NUMB: variants seen among roughly 807,000 people sequenced by gnomAD.
The protein encoded by NUMB is NUMB endocytic adaptor protein.
Under a neutral mutation model 59.7 loss-of-function variants are expected in NUMB, and 29 were observed. That is an observed-to-expected ratio of 0.49 (90% confidence interval 0.36 to 0.66). The LOEUF is 0.66. NUMB is among the 30% of genes least tolerant of loss of function. The pLI is 0.00. For synonymous variants in NUMB, 288 were observed against 288.2 expected (o/e 1.00, Z 0.01); for missense variants, 723 against 822.0 (o/e 0.88, Z 1.47).
intron 6 of NUMB, among the ~76,000 whole-genome samples, chr14:73,309,943 T>C (rs1890682811): frequency 6.6e-6 from 1 of 152,104 alleles, no homozygotes; most frequent in South Asian, 2.1e-4. Context: ...TTTTCAACCA[T>C]GCATTCTCTA....
At chr14:73,306,381 G>C (rs1890428485) in intron 6 of NUMB, among the ~76,000 whole-genome samples, 1 of 152,152 alleles carries the variant, frequency 6.6e-6, no homozygotes, top group Non-Finnish European at 1.5e-5. Context: ...TAGCTGAAAT[G>C]AAAATTCTAG....
At chr14:73,290,747 T>C (rs1280750378) in intron 8 of NUMB, among the ~76,000 whole-genome samples, 1 of 152,230 alleles carries the variant, frequency 6.6e-6, no homozygotes, top group Non-Finnish European at 1.5e-5. Context: ...TAGATTTTTT[T>C]CAGATTTTGG....
At chr14:73,358,922 A>T (rs943185520) in intron 3 of NUMB, among the ~76,000 whole-genome samples, 1 of 152,200 alleles carries the variant, frequency 6.6e-6, no homozygotes, top group African/African-American at 2.4e-5. Context: ...TCGATGCTGG[A>T]AGAGACTGAC....
At chr14:73,370,050 T>C (rs965166579) in intron 2 of NUMB, among the ~76,000 whole-genome samples, 1 of 152,188 alleles carries the variant, frequency 6.6e-6, no homozygotes, top group Non-Finnish European at 1.5e-5. Context: ...CTCTTGTGCT[T>C]GCAGTTTGCT....
intron 4 of NUMB, among the ~76,000 whole-genome samples, chr14:73,332,400 T>A: frequency 6.6e-6 from 1 of 151,956 alleles, no homozygotes; most frequent in East Asian, 1.9e-4. Context: ...ATTACAGGCG[T>A]ACGCCACCAC....
chr14:73,299,414 T>C (rs181188572), intron 6 of NUMB: 1 of 152,190 alleles, frequency 6.6e-6, no homozygotes, highest in African/African-American at 2.4e-5. Context: ...AAAACTGAGG[T>C]TTCCTGGAGA....
intron 4 of NUMB, among the ~76,000 whole-genome samples, chr14:73,331,563 T>A (rs1255305125): frequency 6.6e-6 from 1 of 152,010 alleles, no homozygotes; most frequent in Non-Finnish European, 1.5e-5. Flanking sequence ...AAAAAATTTT[T>A]TTTCTTCTAA....
chr14:73,284,029 G>A (rs376255819), intron 10 of NUMB, 52 bp downstream of exon 10: 279 of 1,514,446 alleles, frequency 1.8e-4, no homozygotes, highest in Non-Finnish European at 2.4e-4. Context: ...GGGAAGTGAT[G>A]AGAATGCTTC....
At chr14:73,447,595 T>C (rs1013240822) in intron 1 of NUMB, among the ~76,000 whole-genome samples, 3 of 150,384 alleles carry the variant, frequency 2.0e-5, no homozygotes, top group Non-Finnish European at 4.4e-5. Flanking sequence ...CCCAGCACTT[T>C]GGGAGACTGA....
intron 6 of NUMB, among the ~76,000 whole-genome samples, chr14:73,305,648 G>A (rs1036557990): frequency 6.6e-6 from 1 of 152,204 alleles, no homozygotes; most frequent in East Asian, 1.9e-4. Context: ...ACATCATTTT[G>A]CATAGCTTTG....
At chr14:73,368,081 A>G (rs1010532929) in intron 2 of NUMB, among the ~76,000 whole-genome samples, 14 of 152,024 alleles carry the variant, frequency 9.2e-5, no homozygotes, top group African/African-American at 3.4e-4. Context: ...TTTGTTTTGC[A>G]TATTTATTTC....
At chr14:73,311,354 A>C (rs964402579) in intron 6 of NUMB, among the ~76,000 whole-genome samples, 7 of 152,082 alleles carry the variant, frequency 4.6e-5, no homozygotes, top group African/African-American at 1.7e-4. Context: ...GTGCCCGGCC[A>C]CGGCAATGAG....
At chr14:73,316,617 CTG>C (rs1891098647) in intron 5 of NUMB, among the ~76,000 whole-genome samples, 195 bp from the exon 6 acceptor site, 1 of 152,180 alleles carries the variant, frequency 6.6e-6, no homozygotes, top group Non-Finnish European at 1.5e-5. Context: ...GGGAAACACA[CTG>C]TATAGCCTAA....
chr14:73,324,021 G>A (rs964823852), intron 4 of NUMB, among the ~76,000 whole-genome samples: 1 of 152,108 alleles, frequency 6.6e-6, no homozygotes, highest in African/African-American at 2.4e-5. Flanking sequence ...TTTCTCTGAA[G>A]CTCTCTTATC....
At chr14:73,432,192 G>A (rs1287489357) in intron 1 of NUMB, among the ~76,000 whole-genome samples, 1 of 151,954 alleles carries the variant, frequency 6.6e-6, no homozygotes, top group Admixed American at 6.6e-5. Flanking sequence ...AATTTTAAAG[G>A]TTAGGAGAGA....
intron 2 of NUMB, among the ~76,000 whole-genome samples, chr14:73,397,542 T>G (rs1896195530): frequency 1.3e-5 from 2 of 152,160 alleles, no homozygotes; most frequent in African/African-American, 4.8e-5. Context: ...TGCTAGCTGG[T>G]CCAAGCACAC....
chr14:73,453,854 G>C (rs1016954685), intron 1 of NUMB, among the ~76,000 whole-genome samples: 1 of 151,992 alleles, frequency 6.6e-6, no homozygotes, highest in Non-Finnish European at 1.5e-5. Flanking sequence ...TGATCCGTCT[G>C]CCTCGGCCTC....
chr14:73,404,568 A>C (rs1399326589), intron 2 of NUMB, among the ~76,000 whole-genome samples: 1 of 152,164 alleles, frequency 6.6e-6, no homozygotes, highest in Non-Finnish European at 1.5e-5. Flanking sequence ...AAAATATTGA[A>C]ATATCAGTGG....
chr14:73,434,793 A>G (rs1897981825), intron 1 of NUMB, among the ~76,000 whole-genome samples: 1 of 152,228 alleles, frequency 6.6e-6, no homozygotes, highest in South Asian at 2.1e-4. Context: ...CATTCAACTT[A>G]TCAAAGTTCC....
Sources: gnomAD v4.1 joint callset for allele counts (sites outside exome capture counted in the v4.1 genomes callset) on GRCh38, gnomAD v4.1.1 for gene constraint, MANE v1.5 for transcripts, NCBI Gene and HGNC (gene_info 2026-07-23, HGNC 2026-07-21) for gene names.